CRACD: variants seen among roughly 807,000 people sequenced by gnomAD.
CRACD encodes the protein capping protein-inhibiting regulator of actin dynamics.
Under a neutral mutation model 106.8 loss-of-function variants are expected in CRACD, and 56 were observed. The observed-to-expected ratio is 0.52, with a 90% CI of 0.42 to 0.66. The LOEUF is 0.66. CRACD is among the 30% of genes least tolerant of loss of function. The pLI is 0.00. For missense variants in CRACD, 1,730 were observed against 1,623.2 expected (o/e 1.07, Z -1.13); for synonymous variants, 754 against 670.8 (o/e 1.12, Z -1.92).
chr4:56,213,837 C>A (rs1254745717), intron 2 of CRACD, among the ~76,000 whole-genome samples: 3 of 152,166 alleles, frequency 2.0e-5, no homozygotes. Flanking sequence ...ATGGAGAAAC[C>A]TTTTGGCTGA....
chr4:56,098,802 G>A (rs529790008), intron 1 of CRACD, among the ~76,000 whole-genome samples: 110 of 152,092 alleles, frequency 7.2e-4, no homozygotes, highest in African/African-American at 2.5e-3. Context: ...AGCAATTCTC[G>A]TGCCTCAGCC....
chr4:56,156,760 G>T (rs1029493292), intron 1 of CRACD, among the ~76,000 whole-genome samples: 2 of 152,256 alleles, frequency 1.3e-5, no homozygotes, highest in East Asian at 3.9e-4. Flanking sequence ...TATTACTTTG[G>T]TATTTAAGCT....
intron 2 of CRACD, among the ~76,000 whole-genome samples, chr4:56,215,479 G>A (rs1324320195): frequency 6.6e-6 from 1 of 152,222 alleles, no homozygotes; most frequent in African/African-American, 2.4e-5. Flanking sequence ...CATTGCACTT[G>A]TGCATATGAT....
Position 56,088,261 on chromosome 4 carries a change from C to T in CRACD, c.-336+38962C>T, listed in dbSNP as rs558853404. ...ATAATTTTGTCACCCTAGTAAATAG[C>T]GTAATACCTGATAGGTAGTTTTTTC... On this transcript the variant is annotated intron_variant, in intron 1 of 10. Coordinates refer to ENST00000682029, the MANE Select transcript of CRACD (RefSeq NM_001393381.1). 2.6e-5 allele frequency among the ~76,000 whole-genome samples: 4 copies of T among 151,716 alleles called. No homozygotes were observed. In the South Asian group the frequency reaches 8.3e-4, roughly 32 times the overall value.
In CRACD at chr4:56,330,507, G is replaced by A. The variant is rs1294104512; in HGVS notation, c.*2703G>A. On this transcript the variant is annotated 3_prime_UTR_variant, in exon 11 of 11. Coordinates refer to ENST00000682029, the MANE Select transcript of CRACD (RefSeq NM_001393381.1). ...GTAGAGACTTAATGAAAATACCTTA[G>A]TGTGATTTTAATATAATTTGCATAT... Among the ~76,000 whole-genome samples the A allele has an allele frequency of 6.6e-6, 1 of 152,050 alleles. No individual in the cohort carries two copies. Among genetic ancestry groups the A allele is most frequent in the African/African-American group, 2.4e-5 (1 of 41,384 alleles).
chr4:56,117,958 C>T (rs1475816611), intron 1 of CRACD, among the ~76,000 whole-genome samples: 2 of 152,014 alleles, frequency 1.3e-5, no homozygotes. Flanking sequence ...GGGGTTTCAC[C>T]ATGTTATCCA....
intron 3 of CRACD, among the ~76,000 whole-genome samples, chr4:56,278,060 T>C (rs1055346156): frequency 2.6e-5 from 4 of 152,144 alleles, no homozygotes; most frequent in Non-Finnish European, 2.9e-5. Flanking sequence ...AAACATAATA[T>C]TGTTAAGATG....
intron 2 of CRACD, among the ~76,000 whole-genome samples, chr4:56,241,848 G>A (rs1018292544): frequency 1.3e-5 from 2 of 152,186 alleles, no homozygotes; most frequent in African/African-American, 2.4e-5. Context: ...GCCAGAGGGA[G>A]AAACTGAAGG....
chr4:56,163,223 A>G (rs1243699813), intron 1 of CRACD, among the ~76,000 whole-genome samples: 1 of 152,160 alleles, frequency 6.6e-6, no homozygotes, highest in Non-Finnish European at 1.5e-5. Context: ...ATAGAGTAAG[A>G]CATTTAACCT....
chr4:56,315,427 C>T lies in CRACD; in HGVS notation c.1925C>T (p.Pro642Leu). 1.9e-6 allele frequency: 3 copies of T among 1,612,724 alleles called. No homozygotes were observed. Among genetic ancestry groups the T allele is most frequent in the Non-Finnish European group, 2.5e-6 (3 of 1,179,650 alleles). Residue 642 changes from proline (P) to leucine (L), a missense_variant, in exon 8 of 11, where the codon CCC becomes CTC. Transcript: ENST00000682029. The surrounding 1 kb of genome is among the most constrained non-coding windows in gnomAD (Gnocchi z 4.1). ...GCTGGGGAGAACCCTCCCCGAGGCC[C>T]CGGCGACGCGAGGGCGGGCAGCGGG... ...APAGENPPRG[P>L]GDARAGSGKA... is the part of the protein sequence containing the mutation.
chr4:56,094,893 C>A (rs1733545658), intron 1 of CRACD, among the ~76,000 whole-genome samples: 1 of 152,118 alleles, frequency 6.6e-6, no homozygotes, highest in Non-Finnish European at 1.5e-5. Flanking sequence ...CATACACTTA[C>A]CACCTAGATT....
intron 3 of CRACD, among the ~76,000 whole-genome samples, chr4:56,296,080 T>C (rs1210735907): frequency 2.0e-5 from 3 of 152,158 alleles, no homozygotes; most frequent in East Asian, 3.9e-4. Flanking sequence ...CCAGGCCCCA[T>C]GGCATCTGCA....
intron 1 of CRACD, among the ~76,000 whole-genome samples, chr4:56,064,372 G>T (rs1174568883): frequency 1.3e-5 from 2 of 152,198 alleles, no homozygotes; most frequent in Non-Finnish European, 2.9e-5. Flanking sequence ...GAGGATTAAT[G>T]TAAAAAGCAA....
At chr4:56,140,051 A>T (rs1435392299) in intron 1 of CRACD, among the ~76,000 whole-genome samples, 1 of 152,184 alleles carries the variant, frequency 6.6e-6, no homozygotes, top group African/African-American at 2.4e-5. Flanking sequence ...TTGTCTTACT[A>T]TATGTATTTA....
chr4:56,252,944 T>A (rs146084542), intron 2 of CRACD, among the ~76,000 whole-genome samples: 1 of 152,328 alleles, frequency 6.6e-6, no homozygotes, highest in Non-Finnish European at 1.5e-5. Context: ...TGAAGGCAGG[T>A]TCACATATTT....
At chr4:56,307,756 C>T (rs1268898763) in intron 5 of CRACD, 57 bp downstream of exon 5, 5 of 1,559,122 alleles carry the variant, frequency 3.2e-6, no homozygotes, top group Admixed American at 1.7e-5. Context: ...GGACATTGGG[C>T]CTCCAGTAAC....
intron 1 of CRACD, among the ~76,000 whole-genome samples, chr4:56,162,997 C>A (rs903552912): frequency 6.6e-6 from 1 of 152,116 alleles, no homozygotes; most frequent in African/African-American, 2.4e-5. Context: ...GCATGGCTGT[C>A]GTCAGTAAAA....
chr4:56,109,655 G>A (rs1734055484), intron 1 of CRACD, among the ~76,000 whole-genome samples: 1 of 152,042 alleles, frequency 6.6e-6, no homozygotes, highest in Non-Finnish European at 1.5e-5. Context: ...CATGAACTCT[G>A]TAAAATTTCT....
At chr4:56,271,095 A>C (rs1742324332) in intron 2 of CRACD, among the ~76,000 whole-genome samples, 1 of 151,070 alleles carries the variant, frequency 6.6e-6, no homozygotes, top group Non-Finnish European at 1.5e-5. Flanking sequence ...ATAAGAGTGA[A>C]ACTCCATCTC....
Sources: allele counts gnomAD v4.1 joint callset (sites outside exome capture counted in the v4.1 genomes callset), GRCh38; gene constraint gnomAD v4.1.1; non-coding constraint Gnocchi (gnomAD v3.1); transcripts MANE v1.5; gene names NCBI Gene and HGNC (gene_info 2026-07-23, HGNC 2026-07-21).